The following SGCZ variants were observed in gnomAD, a reference collection of about 807,000 sequenced individuals.
SGCZ encodes the protein sarcoglycan zeta.
Under a neutral mutation model 41.3 loss-of-function variants are expected in SGCZ, and 40 were observed. That is an observed-to-expected ratio of 0.97 (90% CI 0.75 to 1.26). The LOEUF (loss-of-function observed/expected upper bound fraction) is 1.26, where lower values mean the gene tolerates loss of function less well. SGCZ is among the 50% of genes most tolerant of loss of function. The pLI is 0.00. For missense variants in SGCZ, 552 were observed against 369.8 expected (o/e 1.49, Z -4.04); for synonymous variants, 206 against 137.5 (o/e 1.50, Z -3.49).
At chr8:14,551,569 A>AC (rs1491335327) in intron 2 of SGCZ, among the ~76,000 whole-genome samples, 1 of 18,434 alleles carries the variant, frequency 5.4e-5, no homozygotes, top group African/African-American at 2.9e-4. Flanking sequence ...TTATATATAT[A>AC]ATATATATAT....
At chr8:14,978,076 C>T (rs987205296) in intron 1 of SGCZ, among the ~76,000 whole-genome samples, 3 of 151,848 alleles carry the variant, frequency 2.0e-5, no homozygotes, top group East Asian at 1.9e-4. Flanking sequence ...CGGCTAGGTG[C>T]GTACTTTCAT....
intron 4 of SGCZ, among the ~76,000 whole-genome samples, chr8:14,179,854 C>G (rs1402715822): frequency 6.6e-6 from 1 of 152,128 alleles, no homozygotes; most frequent in Non-Finnish European, 1.5e-5. Context: ...ACCCTCTACC[C>G]ATTATACACC....
chr8:14,793,564 C>G (rs893868366), intron 1 of SGCZ, among the ~76,000 whole-genome samples: 2 of 152,222 alleles, frequency 1.3e-5, no homozygotes, highest in African/African-American at 2.4e-5. Flanking sequence ...GCTTCCTTAA[C>G]TGGCAGTAGG....
At chr8:14,193,112 C>G (rs1396168924) in intron 4 of SGCZ, among the ~76,000 whole-genome samples, 1 of 151,656 alleles carries the variant, frequency 6.6e-6, no homozygotes, top group Non-Finnish European at 1.5e-5. Context: ...TATTATTATT[C>G]TTAAATCAAG....
chr8:14,650,988 T>G (rs1307624951), intron 1 of SGCZ, among the ~76,000 whole-genome samples: 1 of 152,058 alleles, frequency 6.6e-6, no homozygotes, highest in Non-Finnish European at 1.5e-5. Context: ...ATATAAACTA[T>G]AAAACCAAGT....
chr8:14,666,684 CAA>C (rs34262206), intron 1 of SGCZ, among the ~76,000 whole-genome samples: 494 of 107,402 alleles, frequency 4.6e-3, no homozygotes, highest in Non-Finnish European at 6.5e-3. Flanking sequence ...GTAGAATTTG[CAA>C]AAAAAAAAAA....
chr8:14,253,204 CT>C (rs1172083985), intron 3 of SGCZ, among the ~76,000 whole-genome samples: 2 of 17,486 alleles, frequency 1.1e-4, no homozygotes, highest in African/African-American at 6.4e-4. Flanking sequence ...TTATCATATG[CT>C]TCTAAAAATA....
intron 1 of SGCZ, among the ~76,000 whole-genome samples, chr8:14,695,275 G>A (rs551199366): frequency 2.0e-5 from 3 of 152,034 alleles, no homozygotes; most frequent in Non-Finnish European, 4.4e-5. Flanking sequence ...TTTTCATAGA[G>A]GAAAAACCTA....
intron 3 of SGCZ, among the ~76,000 whole-genome samples, chr8:14,280,169 T>C (rs1414313074): frequency 6.6e-6 from 1 of 151,956 alleles, no homozygotes; most frequent in South Asian, 2.1e-4. Context: ...CACTGTCAAT[T>C]ATAATGACAT....
chr8:14,381,816 A>G (rs1424390029), intron 2 of SGCZ, among the ~76,000 whole-genome samples: 1 of 152,060 alleles, frequency 6.6e-6, no homozygotes, highest in Admixed American at 6.6e-5. Flanking sequence ...AAAACAAACA[A>G]ACAAAAAACT....
At chr8:14,427,861 A>T (rs941326350) in intron 2 of SGCZ, among the ~76,000 whole-genome samples, 6 of 152,160 alleles carry the variant, frequency 3.9e-5, no homozygotes, top group Admixed American at 3.3e-4. Flanking sequence ...GGATGAAAAT[A>T]TTTTAAAATG....
rs114215277 is a variant in SGCZ, at chr8:14,976,473, A to C, written c.39+261112T>G. Among the ~76,000 whole-genome samples the C allele has an allele frequency of 3.9e-3, 592 of 152,128 alleles. 4 individuals carry two copies. Among genetic ancestry groups the C allele is most frequent in the African/African-American group, 0.014 (576 of 41,500 alleles). ...TTATCATTACCATTCCAATTTTTTT[A>C]TTTTTAACTTGTTAGATGTATTTTA... is the stretch of plus-strand genomic sequence containing the variant. On this transcript the variant is annotated intron_variant, in intron 1 of 7. Coordinates refer to ENST00000382080, the MANE Select transcript of SGCZ (RefSeq NM_139167.4).
At chr8:15,041,018 T>C (rs1418597039) in intron 1 of SGCZ, among the ~76,000 whole-genome samples, 1 of 152,056 alleles carries the variant, frequency 6.6e-6, no homozygotes, top group African/African-American at 2.4e-5. Flanking sequence ...AAAACTTCTA[T>C]TTAAATAATA....
intron 2 of SGCZ, among the ~76,000 whole-genome samples, chr8:14,353,626 C>T (rs536246117): frequency 1.1e-4 from 17 of 152,144 alleles, no homozygotes; most frequent in African/African-American, 3.1e-4. Context: ...GTTTCTTCTA[C>T]GTTCTTATCA....
At chr8:14,220,015 A>G (rs1170907850) in intron 4 of SGCZ, among the ~76,000 whole-genome samples, 1 of 152,230 alleles carries the variant, frequency 6.6e-6, no homozygotes, top group Non-Finnish European at 1.5e-5. Context: ...TTTGATTAAT[A>G]AAGATGTGTT....
chr8:14,656,037 C>T (rs1370077543), intron 1 of SGCZ, among the ~76,000 whole-genome samples: 2 of 152,058 alleles, frequency 1.3e-5, no homozygotes, highest in African/African-American at 4.8e-5. Context: ...CCAGTTTGAG[C>T]TCTTACAGAT....
intron 1 of SGCZ, among the ~76,000 whole-genome samples, chr8:15,030,679 C>A (rs1803628585): frequency 6.6e-6 from 1 of 152,176 alleles, no homozygotes; most frequent in Admixed American, 6.5e-5. Flanking sequence ...AAATACAAAG[C>A]AACTTCCTTT....
At chr8:14,968,773 G>C (rs1273227209) in intron 1 of SGCZ, among the ~76,000 whole-genome samples, 2 of 152,036 alleles carry the variant, frequency 1.3e-5, no homozygotes, top group Non-Finnish European at 2.9e-5. Flanking sequence ...AGGAAATTTG[G>C]GCAGAGAATA....
intron 1 of SGCZ, among the ~76,000 whole-genome samples, chr8:15,079,411 A>G (rs1282601517): frequency 6.6e-6 from 1 of 151,988 alleles, no homozygotes; most frequent in Non-Finnish European, 1.5e-5. Context: ...ACATTGTTCC[A>G]TTTTCTTTTG....
Sources: allele counts gnomAD v4.1 joint callset (sites outside exome capture counted in the v4.1 genomes callset), GRCh38; gene constraint gnomAD v4.1.1; transcripts MANE v1.5; gene names NCBI Gene and HGNC (gene_info 2026-07-23, HGNC 2026-07-21).